MPDZ: variants seen among roughly 807,000 people sequenced by gnomAD.
MPDZ encodes multiple PDZ domain protein.
MPDZ carries 234 observed loss-of-function variants against 239.1 expected under a neutral mutation model. The observed-to-expected ratio is 0.98, with a 90% CI of 0.88 to 1.09. MPDZ has a LOEUF of 1.09. Among genes scored for constraint, MPDZ ranks in the 50% least tolerant of loss-of-function variants. MPDZ has a pLI of 0.00. For missense variants in MPDZ, 3,175 were observed against 2,510.0 expected (o/e 1.26, Z -5.66); for synonymous variants, 1,048 against 881.3 (o/e 1.19, Z -3.35).
intron 3 of MPDZ, among the ~76,000 whole-genome samples, chr9:13,224,909 T>C (rs1269566050): frequency 2.0e-5 from 3 of 152,124 alleles, no homozygotes; most frequent in Non-Finnish European, 2.9e-5. Flanking sequence ...CCCCAGATCC[T>C]ATGAAGTAAC....
At chr9:13,274,041 C>A (rs903241841) in intron 1 of MPDZ, among the ~76,000 whole-genome samples, 3 of 152,120 alleles carry the variant, frequency 2.0e-5, no homozygotes, top group African/African-American at 7.2e-5. Flanking sequence ...ATCAAAATAA[C>A]TTAAATATCT....
At chr9:13,132,369 C>T (rs149181452) in intron 32 of MPDZ, among the ~76,000 whole-genome samples, 1 of 152,324 alleles carries the variant, frequency 6.6e-6, no homozygotes, top group East Asian at 1.9e-4. Context: ...GGGCTTCTGA[C>T]AGCACAGGCT....
At chr9:13,212,791 T>TAAAAA (rs145889448) in intron 10 of MPDZ, among the ~76,000 whole-genome samples, 12 of 110,574 alleles carry the variant, frequency 1.1e-4, no homozygotes, top group East Asian at 2.7e-4. Context: ...GGTCAAGGTT[T>TAAAAA]AAAAAAAAAA....
At chr9:13,157,095 G>A (rs577405565) in intron 24 of MPDZ, among the ~76,000 whole-genome samples, 1 of 152,266 alleles carries the variant, frequency 6.6e-6, no homozygotes, top group Admixed American at 6.5e-5. Flanking sequence ...TCACTGGTGG[G>A]CAGGGGACGT....
intron 3 of MPDZ, among the ~76,000 whole-genome samples, chr9:13,238,802 T>C (rs973156312): frequency 5.3e-5 from 8 of 152,050 alleles, no homozygotes; most frequent in African/African-American, 1.9e-4. Flanking sequence ...AATCCAAACA[T>C]TGAATGCAGA....
At position 13,106,919 on chromosome 9, in the gene MPDZ, TAGG is replaced by T; in HGVS notation, c.*43_*45del. On this transcript the variant is annotated 3_prime_UTR_variant, in exon 47 of 47. Transcript: ENST00000319217. Reference sequence around the variant, plus strand: ...CAGGACCAGTGCATTCTCTTTACAGTAGGAGGTGAGCTAGGGGTTGGGTTGGTT... The same window carrying T: ...CAGGACCAGTGCATTCTCTTTACAGTAGGTGAGCTAGGGGTTGGGTTGGTT... The T allele has an allele frequency of 1.9e-6, 3 of 1,602,186 alleles. No homozygotes were observed. The highest frequency in any genetic ancestry group is 2.6e-6 in the Non-Finnish European group (3 of 1,170,620).
intron 26 of MPDZ, among the ~76,000 whole-genome samples, chr9:13,144,109 T>C (rs1317938052): frequency 2.6e-5 from 4 of 152,100 alleles, no homozygotes; most frequent in Non-Finnish European, 5.9e-5. Context: ...GCAATTGTAT[T>C]TTTTAAATTA....
intron 3 of MPDZ, among the ~76,000 whole-genome samples, chr9:13,243,463 T>C (rs1965896989): frequency 6.6e-6 from 1 of 152,166 alleles, no homozygotes; most frequent in Admixed American, 6.5e-5. Flanking sequence ...GACTTTTTTT[T>C]TGGTCTTTGT....
chr9:13,174,610 CT>C (rs2134126448), intron 21 of MPDZ, among the ~76,000 whole-genome samples: 1 of 152,258 alleles, frequency 6.6e-6, no homozygotes, highest in South Asian at 2.1e-4. Flanking sequence ...TTTATAACTC[CT>C]ATTAACATCC....
intron 10 of MPDZ, among the ~76,000 whole-genome samples, chr9:13,209,876 G>A (rs1265995505): frequency 1.3e-5 from 2 of 151,718 alleles, no homozygotes; most frequent in Admixed American, 6.6e-5. Context: ...AGAATAAACC[G>A]ATAAAAAATG....
chr9:13,227,538 G>A (rs2136539855), intron 3 of MPDZ, among the ~76,000 whole-genome samples: 1 of 152,076 alleles, frequency 6.6e-6, no homozygotes, highest in East Asian at 1.9e-4. Flanking sequence ...AAAAATATTT[G>A]GACTTATGCT....
chr9:13,193,329 A>G lies in MPDZ; in HGVS notation c.1657-16T>C, dbSNP rs746890841. ...CATGGGCCACCTGAAAAGAAAAAAA[A>G]AAAGATCACCACAATTTTTATATTC... On this transcript the variant is annotated splice_polypyrimidine_tract_variant and intron_variant, in intron 13 of 46. Transcript: ENST00000319217. 7 of 1,575,832 alleles carry G rather than the reference A, an allele frequency of 4.4e-6. No individual in the cohort carries two copies. In the East Asian group the frequency reaches 1.6e-4, roughly 35 times the overall value.
At chr9:13,207,262 A>G (rs1025757043) in intron 10 of MPDZ, among the ~76,000 whole-genome samples, 48 of 152,298 alleles carry the variant, frequency 3.2e-4, no homozygotes, top group African/African-American at 1.1e-3. Context: ...AAATATAGAT[A>G]TGATCATATC....
intron 3 of MPDZ, among the ~76,000 whole-genome samples, chr9:13,239,181 A>T (rs911731364): frequency 2.0e-5 from 3 of 152,194 alleles, no homozygotes; most frequent in African/African-American, 7.2e-5. Context: ...CTACTATTAG[A>T]CCACGCTGCC....
At position 13,112,075 on chromosome 9, in the gene MPDZ, A is replaced by C. The variant is rs749052855; in HGVS notation, c.5673T>G (p.Phe1891Leu). ...VGSPLGDVPI[F>L]IAMMHPTGVA... ...CTCCAGTTGGGTGCATCATTGCAAT[A>C]AATATAGGCACATCACCAAGTGGGC... The change falls in exon 43 of 47, where the codon TTT becomes TTG. Residue 1891 changes from phenylalanine (F) to leucine (L), a missense_variant. By Grantham distance (22) the Phe-to-Leu change is conservative. Coordinates refer to ENST00000319217, the MANE Select transcript of MPDZ (RefSeq NM_001378778.1). 1 of 1,613,708 alleles carries C rather than the reference A, an allele frequency of 6.2e-7. No homozygotes were observed. Among genetic ancestry groups the C allele is most frequent in the Non-Finnish European group, 8.5e-7 (1 of 1,179,674 alleles).
intron 3 of MPDZ, among the ~76,000 whole-genome samples, chr9:13,243,425 C>CT (rs1462255826): frequency 6.6e-6 from 1 of 151,538 alleles, no homozygotes; most frequent in African/African-American, 2.4e-5. Flanking sequence ...TTTTAGTAAC[C>CT]CAAGGTCCTT....
intron 1 of MPDZ, among the ~76,000 whole-genome samples, chr9:13,264,357 T>C (rs1447300678): frequency 6.6e-6 from 1 of 152,154 alleles, no homozygotes; most frequent in African/African-American, 2.4e-5. Flanking sequence ...GAATTATATA[T>C]ATTTTATGAT....
chr9:13,273,179 A>C (rs75655333), intron 1 of MPDZ, among the ~76,000 whole-genome samples: 7,578 of 152,228 alleles, frequency 0.05, 426 homozygotes, highest in East Asian at 0.19. Context: ...ATGAGAAATA[A>C]ATGTATGTTT....
chr9:13,237,665 T>C (rs1964415843), intron 3 of MPDZ, among the ~76,000 whole-genome samples: 1 of 151,930 alleles, frequency 6.6e-6, no homozygotes, highest in African/African-American at 2.4e-5. Flanking sequence ...ATAAACAAAG[T>C]AAGCCTGTCA....
Sources: allele counts gnomAD v4.1 joint callset (sites outside exome capture counted in the v4.1 genomes callset), GRCh38; gene constraint gnomAD v4.1.1; transcripts MANE v1.5; gene names NCBI Gene and HGNC (gene_info 2026-07-23, HGNC 2026-07-21).